The following MYO18B variants were observed in gnomAD, a reference collection of about 807,000 sequenced individuals.
MYO18B encodes the protein myosin XVIIIB, also known as unconventional myosin-XVIIIb.
In MYO18B, 204 loss-of-function variants were observed where a neutral mutation model predicts 273.0. The ratio of observed to expected loss-of-function variants is 0.75; its 90% CI spans 0.67 to 0.84. The LOEUF (loss-of-function observed/expected upper bound fraction) is 0.84. MYO18B is among the 40% of genes least tolerant of loss of function. The probability of loss-of-function intolerance (pLI) is 0.00; values close to 1 mark genes in which losing one functional copy is unlikely to be tolerated. For missense variants in MYO18B, 3,212 were observed against 3,287.6 expected (o/e 0.98, Z 0.56); for synonymous variants, 1,330 against 1,305.7 (o/e 1.02, Z -0.40).
At chr22:25,769,830 T>C (rs2086651381) in intron 4 of MYO18B, among the ~76,000 whole-genome samples, 1 of 150,382 alleles carries the variant, frequency 6.6e-6, no homozygotes, top group African/African-American at 2.5e-5. Flanking sequence ...AGGCCAGGAG[T>C]GGGGCCCAGG....
chr22:25,886,965 G>A (rs147464989), intron 25 of MYO18B, among the ~76,000 whole-genome samples: 85 of 152,306 alleles, frequency 5.6e-4, no homozygotes, highest in African/African-American at 2.0e-3. Flanking sequence ...AATGCTTAGG[G>A]CATACCTATC....
intron 43 of MYO18B, among the ~76,000 whole-genome samples, chr22:26,029,573 A>G (rs1355336268): frequency 6.6e-6 from 1 of 152,154 alleles, no homozygotes; most frequent in African/African-American, 2.4e-5. Context: ...ATCACAGAAC[A>G]TCTTGTCTCT....
At chr22:25,777,823 C>A in intron 8 of MYO18B, 42 bp downstream of exon 8, 1 of 1,517,666 alleles carries the variant, frequency 6.6e-7, no homozygotes, top group South Asian at 1.3e-5. Context: ...GGGGTCAGCA[C>A]GGGGAGAGTT....
intron 43 of MYO18B, chr22:26,028,509 TCA>T: frequency 6.6e-6 from 1 of 152,114 alleles, no homozygotes; most frequent in East Asian, 1.9e-4. Flanking sequence ...AGTACAAAAA[TCA>T]CAGAGCAACA....
At chr22:26,022,384 C>T (rs770874219) in intron 42 of MYO18B, among the ~76,000 whole-genome samples, 13 of 152,134 alleles carry the variant, frequency 8.5e-5, no homozygotes, top group Non-Finnish European at 1.3e-4. Context: ...CTCAGCAGAA[C>T]TTGGGATCCT....
the MYO18B span, among the ~76,000 whole-genome samples, chr22:26,062,287 G>T: frequency 1.3e-5 from 2 of 152,142 alleles, no homozygotes; most frequent in Non-Finnish European, 2.9e-5. Flanking sequence ...GATTGAGGAT[G>T]GGAAGGTATC....
intron 1 of MYO18B, among the ~76,000 whole-genome samples, chr22:25,756,116 C>G (rs2086112661): frequency 6.6e-6 from 1 of 152,104 alleles, no homozygotes; most frequent in Non-Finnish European, 1.5e-5. Context: ...CCAGGATGGT[C>G]TTGATCTGAC....
chr22:25,804,068 G>C, intron 12 of MYO18B, among the ~76,000 whole-genome samples: 1 of 149,824 alleles, frequency 6.7e-6, no homozygotes, highest in African/African-American at 2.5e-5. Flanking sequence ...TTTGAAAAAA[G>C]AAAAACAAAA....
chr22:25,755,325 G>A (rs1037384156), intron 1 of MYO18B, among the ~76,000 whole-genome samples: 7 of 152,094 alleles, frequency 4.6e-5, no homozygotes, highest in African/African-American at 1.2e-4. Context: ...TCCTGCCTCA[G>A]CCTCTCCAGT....
chr22:26,059,571 C>G, the MYO18B span, among the ~76,000 whole-genome samples: 1 of 152,180 alleles, frequency 6.6e-6, no homozygotes, highest in Non-Finnish European at 1.5e-5. Flanking sequence ...ATTGAGGATG[C>G]CCTGAGTTTG....
At chr22:25,812,536 G>A (rs1031237052) in intron 12 of MYO18B, among the ~76,000 whole-genome samples, 2 of 152,186 alleles carry the variant, frequency 1.3e-5, no homozygotes, top group East Asian at 3.9e-4. Context: ...TTCAAGCTCT[G>A]AATTAAAGGG....
intron 23 of MYO18B, 136 bp downstream of exon 23, chr22:25,874,550 T>C (rs912247301): frequency 4.6e-6 from 5 of 1,083,122 alleles, no homozygotes; most frequent in Non-Finnish European, 6.5e-6. Context: ...AAGTGAGGCT[T>C]TGCAAGATGT....
At chr22:25,755,496 G>A (rs548652832) in intron 1 of MYO18B, among the ~76,000 whole-genome samples, 1 of 152,176 alleles carries the variant, frequency 6.6e-6, no homozygotes, top group African/African-American at 2.4e-5. Flanking sequence ...GTGAGCCACC[G>A]CGCCCAGCCA....
intron 34 of MYO18B, among the ~76,000 whole-genome samples, chr22:25,933,308 G>A (rs1236752982): frequency 6.6e-6 from 1 of 152,206 alleles, no homozygotes; most frequent in Non-Finnish European, 1.5e-5. Flanking sequence ...CAAGCACTGA[G>A]TAATCCTGGG....
At chr22:25,807,481 G>T (rs1045975480) in intron 12 of MYO18B, among the ~76,000 whole-genome samples, 2 of 152,214 alleles carry the variant, frequency 1.3e-5, no homozygotes, top group African/African-American at 4.8e-5. Context: ...TCAACTGGGA[G>T]GTTTTGGCTT....
chr22:25,771,707 G>C (rs1240582789), intron 6 of MYO18B, among the ~76,000 whole-genome samples: 2 of 152,216 alleles, frequency 1.3e-5, no homozygotes, highest in African/African-American at 2.4e-5. Context: ...ATCCATGAGA[G>C]GGCTCAAGCT....
intron 37 of MYO18B, 51 bp downstream of exon 37, chr22:25,950,501 G>A (rs2092778583): frequency 1.1e-6 from 1 of 947,204 alleles, no homozygotes; most frequent in Admixed American, 2.5e-5. Flanking sequence ...TTTTCTTAGA[G>A]GGACAGAACT....
chr22:26,063,643 A>C, the MYO18B span, among the ~76,000 whole-genome samples: 1,792 of 152,202 alleles, frequency 0.012, 21 homozygotes, highest in Non-Finnish European at 0.02. Context: ...CCCATTTTTC[A>C]GCCATCCCAA....
At chr22:25,861,867 C>A (rs1038968766) in intron 21 of MYO18B, among the ~76,000 whole-genome samples, 1 of 152,150 alleles carries the variant, frequency 6.6e-6, no homozygotes, top group African/African-American at 2.4e-5. Flanking sequence ...AAATATAGAA[C>A]CTTTGCTCCA....
Sources: gnomAD v4.1 joint callset for allele counts (sites outside exome capture counted in the v4.1 genomes callset) on GRCh38, gnomAD v4.1.1 for gene constraint, MANE v1.5 for transcripts, NCBI Gene and HGNC (gene_info 2026-07-23, HGNC 2026-07-21) for gene names.